Variants in PRMT7 observed in about 807,000 individuals in gnomAD.
PRMT7 encodes the protein protein arginine N-methyltransferase 7.
PRMT7 carries 75 observed loss-of-function variants against 85.4 expected under a neutral mutation model. The ratio of observed to expected loss-of-function variants is 0.88; its 90% CI spans 0.73 to 1.06. The LOEUF is 1.06. Among genes scored for constraint, PRMT7 ranks in the 50% least tolerant of loss-of-function variants. The pLI is 0.00. For synonymous variants in PRMT7, 397 were observed against 359.5 expected, an observed-to-expected ratio of 1.10 and a Z score of -1.18; for missense variants, 868 against 915.2, an observed-to-expected ratio of 0.95 and a Z score of 0.67.
At chr16:68,347,716 C>T in intron 13 of PRMT7, 38 bp downstream of exon 13, 8 of 1,597,766 alleles carry the variant, frequency 5.0e-6, no homozygotes, top group Non-Finnish European at 6.9e-6. Context: ...AGTGAGAGGA[C>T]CTGTGGGGTC....
At chr16:68,348,904 G>T (rs1567727935) in intron 14 of PRMT7, among the ~76,000 whole-genome samples, 1 of 152,060 alleles carries the variant, frequency 6.6e-6, no homozygotes, top group Non-Finnish European at 1.5e-5. Context: ...CTCCCAAAGT[G>T]TCGGGGTTAC....
At chr16:68,321,185 C>G (rs946217584) in intron 3 of PRMT7, among the ~76,000 whole-genome samples, 1 of 151,878 alleles carries the variant, frequency 6.6e-6, no homozygotes, top group African/African-American at 2.4e-5. Flanking sequence ...ATGAGAATCA[C>G]TTGAACTTGG....
At chr16:68,353,274 T>C (rs2087686830) in intron 15 of PRMT7, 2 of 983,658 alleles carry the variant, frequency 2.0e-6, no homozygotes, top group South Asian at 2.0e-5. Flanking sequence ...CTGTCCCTTA[T>C]AGGAGAGGAC....
chr16:68,356,351 G>A (rs1300975214), intron 17 of PRMT7, among the ~76,000 whole-genome samples: 1 of 152,226 alleles, frequency 6.6e-6, no homozygotes, highest in African/African-American at 2.4e-5. Context: ...AGGCAGGGCG[G>A]GCGCCATCAC....
At chr16:68,319,605 AAG>A (rs2082250394) in intron 3 of PRMT7, among the ~76,000 whole-genome samples, 1 of 151,356 alleles carries the variant, frequency 6.6e-6, no homozygotes, top group Non-Finnish European at 1.5e-5. Flanking sequence ...AAAAAAAAAA[AAG>A]AACCCCCTTC....
rs200225862 is a variant in PRMT7 at position 68,339,862 on chromosome 16, G to C, written c.821G>C (p.Arg274Pro). ...CGGTTTGAACCTCTGACATCTGGCC[G>C]AGCTCAGGTGGTTCTCTCGTGGTGG... Reference protein sequence around the residue: ...SRRFEPLTSGRAQVVLSWWDI... With the variant: ...SRRFEPLTSGPAQVVLSWWDI... Residue 274 changes from arginine to proline, a missense_variant, in exon 9 of 19, where the codon CGA (arginine) becomes CCA (proline). By Grantham distance (103) the Arg-to-Pro change is moderately radical (BLOSUM62 -2). Transcript: ENST00000441236. 2.5e-6 allele frequency: 4 copies of C among 1,614,052 alleles called. No individual in the cohort carries two copies. In the Admixed American group the frequency reaches 6.7e-5, roughly 27 times the overall value.
In PRMT7 at chr16:68,345,772, A is replaced by C. The variant is rs753111275; in HGVS notation, c.1025A>C (p.Tyr342Ser). 5.6e-6 allele frequency: 9 copies of C among 1,614,130 alleles called. No homozygotes were observed. The South Asian group carries it at 9.9e-5, about 18-fold the overall frequency. ...ALYLVAHHDD[Y>S]CVWYSLQRTS... Reference sequence around the variant, plus strand: ...TATCTGGTAGCCCACCACGATGACTACTGCGTATGGTACAGCCTGCAGAGG... The same window carrying C: ...TATCTGGTAGCCCACCACGATGACTCCTGCGTATGGTACAGCCTGCAGAGG... Residue 342 changes from tyrosine (Y) to serine (S), a missense_variant, in exon 10 of 19, where the codon TAC becomes TCC. Transcript: ENST00000441236.
intron 9 of PRMT7, among the ~76,000 whole-genome samples, chr16:68,344,933 T>TACAAACACACACACACACAC (rs1555563401): frequency 1.5e-5 from 2 of 131,164 alleles, no homozygotes; most frequent in East Asian, 4.4e-4. Context: ...CCTGCATCTC[T>TACAAACACACACACACACAC]ACACACACAC....
chr16:68,343,141 T>C (rs1042946942), intron 9 of PRMT7, among the ~76,000 whole-genome samples: 2 of 151,830 alleles, frequency 1.3e-5, no homozygotes, highest in African/African-American at 2.4e-5. Flanking sequence ...GAGGTGGAGG[T>C]TGCAGTAAGC....
Position 68,324,627 on chromosome 16 carries a change from C to A in PRMT7, c.133-56C>A, listed in dbSNP as rs2082887372. The A allele has an allele frequency of 1.9e-6, 3 of 1,599,164 alleles. No individual in the cohort carries two copies. In the African/African-American group the frequency reaches 4.0e-5, roughly 21 times the overall value. Reference sequence around the variant, plus strand: ...GCTGTGACTCTAGAACTTTGCAAAGCACCTTTCCACTTACTTATAATAACT... The same window carrying A: ...GCTGTGACTCTAGAACTTTGCAAAGAACCTTTCCACTTACTTATAATAACT... On this transcript the variant is annotated intron_variant, in intron 4 of 18. Transcript: ENST00000441236.
chr16:68,312,574 G>A (rs777630395), intron 2 of PRMT7, among the ~76,000 whole-genome samples: 70 of 152,128 alleles, frequency 4.6e-4, no homozygotes, highest in Non-Finnish European at 8.5e-4. Flanking sequence ...CATCTGCTCT[G>A]CAGTCTGACG....
intron 9 of PRMT7, among the ~76,000 whole-genome samples, chr16:68,341,551 G>A (rs370052264): frequency 1.3e-5 from 2 of 152,036 alleles, no homozygotes; most frequent in Non-Finnish European, 2.9e-5. Flanking sequence ...CTGGGATTAC[G>A]GGCATGCGCC....
At chr16:68,312,205 TTATATATATA>T (rs61533636) in intron 2 of PRMT7, 29 bp downstream of exon 2, 2 of 130,646 alleles carry the variant, frequency 1.5e-5, no homozygotes. Context: ...ATATGTATAT[TTATATATATA>T]TATATATATA....
intron 12 of PRMT7, among the ~76,000 whole-genome samples, 159 bp downstream of exon 12, chr16:68,347,453 G>A (rs1224135837): frequency 1.3e-5 from 2 of 152,204 alleles, no homozygotes; most frequent in African/African-American, 2.4e-5. Context: ...TTGCCTGTGC[G>A]TGCAGGCAGG....
chr16:68,314,143 G>A (rs2044363302), intron 2 of PRMT7, among the ~76,000 whole-genome samples: 1 of 152,210 alleles, frequency 6.6e-6, no homozygotes, highest in African/African-American at 2.4e-5. Context: ...GATTTTAGTA[G>A]TAGAGTTTTA....
rs560617430 is a variant in PRMT7, at chr16:68,314,462, C to A, written c.-83-1435C>A. Reference sequence around the variant, plus strand: ...GGCAAGGCTGGTCTTGAACTCCTGACCTCAGGTGATCCGCCTGCCTTGGCC... The same window carrying A: ...GGCAAGGCTGGTCTTGAACTCCTGAACTCAGGTGATCCGCCTGCCTTGGCC... On this transcript the variant is annotated intron_variant, in intron 2 of 18. Coordinates refer to ENST00000441236, the MANE Select transcript of PRMT7 (RefSeq NM_019023.5). Among the ~76,000 whole-genome samples, 4 of 152,348 alleles carry A rather than the reference C, an allele frequency of 2.6e-5. No individual in the cohort carries two copies. The South Asian group carries it at 8.3e-4, about 32-fold the overall frequency.
intron 5 of PRMT7, among the ~76,000 whole-genome samples, chr16:68,328,741 C>T (rs755528567): frequency 7.9e-5 from 12 of 152,090 alleles, no homozygotes; most frequent in Non-Finnish European, 1.2e-4. Flanking sequence ...GGGCACAGCA[C>T]GCCTCCCAGG....
chr16:68,348,392 G>A lies in PRMT7; in HGVS notation c.1374G>A (p.Arg458=), dbSNP rs773857591. The A allele has an allele frequency of 2.5e-6, 4 of 1,613,020 alleles. No individual in the cohort carries two copies. The highest frequency in any genetic ancestry group is 3.4e-6 in the Non-Finnish European group (4 of 1,179,094). ...LEDKINIIEK[R]PELLTNEDLQ... is the part of the protein sequence containing the mutation. ...ATAAAATTAACATCATAGAGAAACG[G>A]CCGGAATTATTAACAAATGAGGACC... The change falls in exon 14 of 19, where the codon CGG becomes CGA. Residue 458 remains arginine (R), a synonymous_variant. Coordinates refer to ENST00000441236, the MANE Select transcript of PRMT7 (RefSeq NM_019023.5).
At chr16:68,329,608 G>T (rs1309742697) in intron 6 of PRMT7, 3 of 156,652 alleles carry the variant, frequency 1.9e-5, no homozygotes, top group Non-Finnish European at 4.2e-5. Flanking sequence ...TCACTCTGTC[G>T]CCCAGGCTGG....
Sources: allele counts gnomAD v4.1 joint callset (sites outside exome capture counted in the v4.1 genomes callset), GRCh38; gene constraint gnomAD v4.1.1; transcripts MANE v1.5; gene names NCBI Gene and HGNC (gene_info 2026-07-23, HGNC 2026-07-21).